SETD7: variants seen among roughly 807,000 people sequenced by gnomAD.
The protein encoded by SETD7 is histone-lysine N-methyltransferase SETD7.
SETD7 carries 16 observed loss-of-function variants against 41.8 expected under a neutral mutation model. The observed-to-expected ratio is 0.38, with a 90% CI of 0.26 to 0.58. The LOEUF (loss-of-function observed/expected upper bound fraction) is 0.58. SETD7 is among the 20% of genes least tolerant of loss of function. The pLI, the probability that SETD7 is intolerant of heterozygous loss-of-function variation, is 0.64. For missense variants in SETD7, 346 were observed against 459.7 expected (o/e 0.75, Z 2.26); for synonymous variants, 163 against 169.7 (o/e 0.96, Z 0.31).
intron 7 of SETD7, among the ~76,000 whole-genome samples, chr4:139,499,449 C>T (rs11937951): frequency 0.022 from 3,413 of 152,310 alleles, 107 homozygotes; most frequent in African/African-American, 0.066. Context: ...TCCCCAACTA[C>T]TCCTGTAGAT....
chr4:139,537,137 A>G (rs56053400), intron 2 of SETD7, among the ~76,000 whole-genome samples: 71,399 of 151,756 alleles, frequency 0.47, 17,465 homozygotes, highest in African/African-American at 0.62. Flanking sequence ...CAACACGCCC[A>G]GCTAATTTTG....
intron 1 of SETD7, among the ~76,000 whole-genome samples, chr4:139,548,630 C>G (rs975165720): frequency 6.6e-6 from 1 of 152,204 alleles, no homozygotes; most frequent in African/African-American, 2.4e-5. Context: ...GAAACTCCAT[C>G]TCAACAACAA....
intron 5 of SETD7, among the ~76,000 whole-genome samples, chr4:139,522,437 C>T (rs1208332332): frequency 6.6e-6 from 1 of 152,220 alleles, no homozygotes; most frequent in Non-Finnish European, 1.5e-5. Flanking sequence ...TGAAGTAGAA[C>T]AGGATGTGAC....
At chr4:139,556,006 G>A in intron 1 of SETD7, 92 bp downstream of exon 1, 2 of 1,333,776 alleles carry the variant, frequency 1.5e-6, no homozygotes, top group South Asian at 1.5e-5. Context: ...GGCGGCCGCG[G>A]GGCCCGGCGC....
downstream of SETD7, among the ~76,000 whole-genome samples, chr4:139,503,277 T>C (rs1408615930): frequency 6.7e-6 from 1 of 149,168 alleles, no homozygotes; most frequent in Non-Finnish European, 1.5e-5. Flanking sequence ...GTAGGCTAAG[T>C]GGATGATGAT....
At chr4:139,496,398 A>C (rs1228907943) in exon 8 of SETD7, 3 of 702,364 alleles carry the variant, frequency 4.3e-6, no homozygotes, top group Admixed American at 2.0e-5. Context: ...CTTGGGCTGC[A>C]CTATAAAGAG....
In SETD7 at chr4:139,509,408, T is replaced by TCTA. The variant is rs2111118399; in HGVS notation, c.*2254_*2255insTAG. Reference sequence around the variant, plus strand: ...CAGACTAATCACTACTTACAACTCTTCAATTCCTTCTATCCAATGTTGAAA... The same window carrying TCTA: ...CAGACTAATCACTACTTACAACTCTTCTACAATTCCTTCTATCCAATGTTGAAA... On this transcript the variant is annotated 3_prime_UTR_variant, in exon 8 of 8. Transcript: ENST00000274031. 6.6e-6 allele frequency: 1 copy of TCTA among 152,326 alleles called. No homozygotes were observed. Among genetic ancestry groups the TCTA allele is most frequent in the South Asian group, 2.1e-4 (1 of 4,826 alleles). The allele number at this position is 152,326 out of a possible 1,614,324, so 9.4% of individuals were successfully genotyped here.
At chr4:139,524,041 A>G (rs1360397853) in intron 4 of SETD7, among the ~76,000 whole-genome samples, 7 of 152,236 alleles carry the variant, frequency 4.6e-5, no homozygotes, top group Admixed American at 4.6e-4. Context: ...TTAGCTTTAG[A>G]GAATCCTCAC....
Position 139,509,560 on chromosome 4 carries a change from G to T in SETD7, c.*2103C>A. 4.3e-6 allele frequency: 1 copy of T among 233,450 alleles called. No individual in the cohort carries two copies. The highest frequency in any genetic ancestry group is 7.0e-6 in the Non-Finnish European group (1 of 142,338). 14.5% of individuals were successfully genotyped at this position (233,450 alleles called of 1,614,324 possible). A position where few individuals can be genotyped will look rare whatever the true frequency, so the allele number is the denominator to read the frequency against. On this transcript the variant is annotated 3_prime_UTR_variant, in exon 8 of 8. Transcript: ENST00000274031. ...ATCATTCAGAGCATAGCTGCATCGG[G>T]GGCATGACCAGCACTATCCTCTCCC...
intron 2 of SETD7, among the ~76,000 whole-genome samples, chr4:139,533,885 G>A (rs912009156): frequency 2.0e-5 from 3 of 152,180 alleles, no homozygotes; most frequent in Non-Finnish European, 2.9e-5. Context: ...ATTAATAGCC[G>A]TAATTGGTAT....
At chr4:139,511,888 G>A in intron 7 of SETD7, 45 bp from the exon 8 acceptor site, 1 of 1,573,368 alleles carries the variant, frequency 6.4e-7, no homozygotes, top group Non-Finnish European at 8.6e-7. Flanking sequence ...CAGACCAGGA[G>A]GTTGGAAGCA....
At chr4:139,493,406 T>C (rs1726392423), downstream of SETD7, among the ~76,000 whole-genome samples, 1 of 151,940 alleles carries the variant, frequency 6.6e-6, no homozygotes, top group South Asian at 2.1e-4. Context: ...GTACAGTGGG[T>C]GGGGGAGAAC....
intron 7 of SETD7, among the ~76,000 whole-genome samples, chr4:139,512,375 A>G (rs1398363768): frequency 1.3e-5 from 2 of 152,196 alleles, no homozygotes; most frequent in African/African-American, 4.8e-5. Flanking sequence ...GAGAGGAAAT[A>G]TTATTTTCTA....
In SETD7 at chr4:139,529,135, G is replaced by A. The variant is rs1168316716; in HGVS notation, c.458C>T (p.Thr153Ile). ...ATCAATAAATTTCCCATAAAGTGCG[G>A]TCCTCTCATCAGGGTACACATAGGC... ...KIAYVYPDERTALYGKFIDGE... is the reference protein window; with the variant it reads ...KIAYVYPDERIALYGKFIDGE... Residue 153 changes from threonine to isoleucine, a missense_variant, in exon 4 of 8, where the codon ACC becomes ATC. Coordinates refer to ENST00000274031, the MANE Select transcript of SETD7 (RefSeq NM_030648.4). The A allele has an allele frequency of 6.2e-7, 1 of 1,613,916 alleles. No homozygotes were observed. The highest frequency in any genetic ancestry group is 1.7e-5 in the Admixed American group (1 of 59,992).
At chr4:139,495,971 CA>C in exon 8 of SETD7, 1 of 154,694 alleles carries the variant, frequency 6.5e-6, no homozygotes, top group Non-Finnish European at 1.4e-5. Flanking sequence ...GTGGAGATTT[CA>C]AAAACATATA....
chr4:139,504,082 C>T (rs963428495), downstream of SETD7, among the ~76,000 whole-genome samples: 16 of 152,178 alleles, frequency 1.1e-4, no homozygotes, highest in African/African-American at 2.9e-4. Context: ...GCTGAATTAA[C>T]TGTAGGGCCA....
intron 2 of SETD7, 144 bp downstream of exon 2, chr4:139,546,775 CA>C: frequency 9.1e-7 from 1 of 1,095,842 alleles, no homozygotes; most frequent in Non-Finnish European, 1.3e-6. Context: ...CCCCAGTCAC[CA>C]AAGCAGTGCC....
rs184537824 is a variant in SETD7, at chr4:139,529,134, G to A, written c.459C>T (p.Thr153=). The A allele has an allele frequency of 2.2e-5, 36 of 1,613,886 alleles. No individual in the cohort carries two copies. The highest frequency in any genetic ancestry group is 1.2e-4 in the African/African-American group (9 of 74,990). ...KIAYVYPDER[T]ALYGKFIDGE... ...CATCAATAAATTTCCCATAAAGTGCGGTCCTCTCATCAGGGTACACATAGG... is the reference window on the plus strand; with the variant it reads ...CATCAATAAATTTCCCATAAAGTGCAGTCCTCTCATCAGGGTACACATAGG... Residue 153 remains threonine, a synonymous_variant, in exon 4 of 8, where the codon ACC becomes ACT. Coordinates refer to ENST00000274031, the MANE Select transcript of SETD7 (RefSeq NM_030648.4).
At chr4:139,540,868 C>A (rs1727760869) in intron 2 of SETD7, among the ~76,000 whole-genome samples, 1 of 152,138 alleles carries the variant, frequency 6.6e-6, no homozygotes, top group Admixed American at 6.5e-5. Context: ...CGATCCAACT[C>A]CAATTTCTCT....
Sources: allele counts gnomAD v4.1 joint callset (sites outside exome capture counted in the v4.1 genomes callset), GRCh38; gene constraint gnomAD v4.1.1; transcripts MANE v1.5; gene names NCBI Gene and HGNC (gene_info 2026-07-23, HGNC 2026-07-21).